ZNF365: variants seen among roughly 807,000 people sequenced by gnomAD.
ZNF365 encodes the protein protein ZNF365.
ZNF365 carries 22 observed loss-of-function variants against 35.0 expected under a neutral mutation model. That is an observed-to-expected ratio of 0.63 (90% CI 0.45 to 0.90). The LOEUF (loss-of-function observed/expected upper bound fraction) is 0.90. Among genes scored for constraint, ZNF365 ranks in the 40% least tolerant of loss-of-function variants. The pLI is 0.00. For missense variants in ZNF365, 448 were observed against 500.3 expected (o/e 0.90, Z 1.00); for synonymous variants, 188 against 196.2 (o/e 0.96, Z 0.35).
chr10:62,461,077 C>CAG (rs1797675777), intron 4 of ZNF365, among the ~76,000 whole-genome samples: 1 of 152,162 alleles, frequency 6.6e-6, no homozygotes, highest in Admixed American at 6.5e-5. Context: ...TCCTCCACCC[C>CAG]AGAGAGAGAC....
At position 62,459,782 on chromosome 10, in the gene ZNF365, T is replaced by A. The variant is rs547125606; in HGVS notation, c.966T>A (p.Asn322Lys). ...GCGAAGCTCGCCTGGTGTGCCAAAA[T>A]GACCTGGAATTGGAGGTAAAGCCAC... The change falls in exon 4 of 5, where the codon AAT (asparagine) becomes AAA (lysine). Residue 322 changes from asparagine to lysine, a missense_variant. By Grantham distance (94) the Asn-to-Lys change is moderately conservative. Transcript: ENST00000395255. 2.5e-6 allele frequency: 4 copies of A among 1,610,206 alleles called. No individual in the cohort carries two copies. The African/African-American group carries it at 4.0e-5, about 16-fold the overall frequency.
intron 3 of ZNF365, among the ~76,000 whole-genome samples, chr10:62,411,910 C>G (rs896941391): frequency 2.0e-5 from 3 of 152,004 alleles, no homozygotes; most frequent in Non-Finnish European, 4.4e-5. Flanking sequence ...CTCAGATTAA[C>G]AACCTAACAC....
At chr10:62,383,786 TA>T (rs1278119966) in intron 2 of ZNF365, among the ~76,000 whole-genome samples, 2 of 152,334 alleles carry the variant, frequency 1.3e-5, no homozygotes, top group African/African-American at 4.8e-5. Flanking sequence ...ATTCCATCTG[TA>T]AAAAATGAAA....
chr10:62,396,345 A>G (rs1176714952), intron 3 of ZNF365, among the ~76,000 whole-genome samples: 1 of 152,188 alleles, frequency 6.6e-6, no homozygotes, highest in African/African-American at 2.4e-5. Flanking sequence ...AACACTGGTA[A>G]AGCACCGAGG....
intron 3 of ZNF365, among the ~76,000 whole-genome samples, chr10:62,427,570 A>G (rs1331112592): frequency 2.0e-5 from 3 of 152,202 alleles, no homozygotes; most frequent in African/African-American, 4.8e-5. Flanking sequence ...GCAATACAGT[A>G]GTTCTGTGTA....
intron 3 of ZNF365, among the ~76,000 whole-genome samples, chr10:62,418,056 A>G (rs1840102655): frequency 6.6e-6 from 1 of 152,036 alleles, no homozygotes; most frequent in South Asian, 2.1e-4. Context: ...AAATGTAGAA[A>G]AATTGAAAAT....
chr10:62,417,668 T>A (rs1038704231), intron 3 of ZNF365, among the ~76,000 whole-genome samples: 1 of 32,884 alleles, frequency 3.0e-5, no homozygotes, highest in Admixed American at 3.4e-4. Context: ...CTCCTGTCTT[T>A]TTTTTTTTAA....
rs75465169 is a variant in ZNF365, at chr10:62,429,638, G to A, written c.925-30103G>A. Among the ~76,000 whole-genome samples, 1,336 of 152,182 alleles carry A rather than the reference G, an allele frequency of 8.8e-3. 24 individuals are homozygous for A. Among genetic ancestry groups the A allele is most frequent in the African/African-American group, 0.03 (1,255 of 41,522 alleles). Reference sequence around the variant, plus strand: ...TAGTTTTGCACAGTTCAATTTATTGGGAACATAGTACCACCAAATGTCATT... The same window carrying A: ...TAGTTTTGCACAGTTCAATTTATTGAGAACATAGTACCACCAAATGTCATT... On this transcript the variant is annotated intron_variant, in intron 3 of 4. Transcript: ENST00000395255.
intron 3 of ZNF365, among the ~76,000 whole-genome samples, chr10:62,418,830 A>G (rs1840120989): frequency 6.6e-6 from 1 of 152,130 alleles, no homozygotes; most frequent in South Asian, 2.1e-4. Context: ...CTAGAAGAGT[A>G]GAGAGCTCTT....
intron 2 of ZNF365, among the ~76,000 whole-genome samples, chr10:62,384,226 G>T (rs1392933215): frequency 6.6e-6 from 1 of 151,804 alleles, no homozygotes; most frequent in Non-Finnish European, 1.5e-5. Context: ...CACTCAGGTT[G>T]GCCCTTATCT....
chr10:62,375,066 CA>C (rs770074940), intron 1 of ZNF365, among the ~76,000 whole-genome samples: 3 of 152,152 alleles, frequency 2.0e-5, no homozygotes, highest in Non-Finnish European at 4.4e-5. Context: ...AGGTTGAGGA[CA>C]CTTTTCACCC....
At chr10:62,375,340 C>T (rs1039141318) in intron 1 of ZNF365, among the ~76,000 whole-genome samples, 2 of 152,156 alleles carry the variant, frequency 1.3e-5, no homozygotes, top group Admixed American at 1.3e-4. Context: ...AAGACAAATC[C>T]GTCCAGAACA....
chr10:62,477,348 GA>G (rs942526468), intron 4 of ZNF365, among the ~76,000 whole-genome samples: 2 of 151,800 alleles, frequency 1.3e-5, no homozygotes, highest in Non-Finnish European at 2.9e-5. Flanking sequence ...TTTTCTAGAG[GA>G]AAAAAAGAAA....
chr10:62,460,101 A>G (rs1214074379), intron 4 of ZNF365, among the ~76,000 whole-genome samples: 1 of 152,098 alleles, frequency 6.6e-6, no homozygotes, highest in Non-Finnish European at 1.5e-5. Flanking sequence ...ACCTCCAAAC[A>G]GCTCTTGAGA....
At chr10:62,392,603 CGTTT>C (rs139529803) in intron 3 of ZNF365, among the ~76,000 whole-genome samples, 27,836 of 150,244 alleles carry the variant, frequency 0.19, 2,646 homozygotes, top group South Asian at 0.26. Context: ...GTCTATGTGC[CGTTT>C]GTTTGTTTGT....
intron 3 of ZNF365, chr10:62,459,731 T>C (rs1356643960): frequency 1.2e-6 from 2 of 1,606,176 alleles, no homozygotes; most frequent in Non-Finnish European, 1.7e-6. Flanking sequence ...TACCCTTCTT[T>C]TCCTTTCAGA....
At chr10:62,429,251 T>G (rs1210297118) in intron 3 of ZNF365, among the ~76,000 whole-genome samples, 3 of 152,250 alleles carry the variant, frequency 2.0e-5, no homozygotes, top group Admixed American at 6.5e-5. Flanking sequence ...ATCTCAGCCT[T>G]GACGTCTCAG....
chr10:62,410,405 A>C (rs1839968202), intron 3 of ZNF365, among the ~76,000 whole-genome samples: 1 of 152,084 alleles, frequency 6.6e-6, no homozygotes, highest in Non-Finnish European at 1.5e-5. Context: ...GTTCTAGGGT[A>C]CATGTGCAGG....
intron 3 of ZNF365, among the ~76,000 whole-genome samples, chr10:62,450,670 C>A (rs147765741): frequency 0.01 from 1,571 of 152,216 alleles, 17 homozygotes; most frequent in Non-Finnish European, 0.016. Flanking sequence ...CCAAGACAGA[C>A]AAAAACACCC....
Sources: allele counts gnomAD v4.1 joint callset (sites outside exome capture counted in the v4.1 genomes callset), GRCh38; gene constraint gnomAD v4.1.1; transcripts MANE v1.5; gene names NCBI Gene and HGNC (gene_info 2026-07-23, HGNC 2026-07-21).